The following ZNF516 variants were observed in gnomAD, a reference collection of about 807,000 sequenced individuals.
ZNF516 encodes zinc finger protein 516.
ZNF516 carries 19 observed loss-of-function variants against 79.7 expected under a neutral mutation model. That is an observed-to-expected ratio of 0.24 (90% CI 0.17 to 0.35). The LOEUF is 0.35. ZNF516 is among the 10% of genes least tolerant of loss of function. ZNF516 has a pLI of 1.00. For missense variants in ZNF516, 1,678 were observed against 1,679.5 expected (o/e 1.00, Z 0.02); for synonymous variants, 877 against 739.5 (o/e 1.19, Z -3.02).
chr18:76,442,332 G>A lies in ZNF516; in HGVS notation c.723C>T (p.Pro241=), dbSNP rs746527864. Residue 241 remains proline, a synonymous_variant, in exon 3 of 7, where the codon CCC becomes CCT. Coordinates refer to ENST00000443185, the MANE Select transcript of ZNF516 (RefSeq NM_014643.4). The part of the protein sequence containing the change: ...SGEACVENGK[P]ELSPGEFPCE... ...ACGGGAACTCCCCGGGGCTCAGCTC[G>A]GGCTTGCCGTTCTCCACGCAGGCCT... is the stretch of plus-strand genomic sequence containing the variant. 28 of 1,610,872 alleles carry A rather than the reference G, an allele frequency of 1.7e-5. No individual in the cohort carries two copies. The highest frequency in any genetic ancestry group is 6.7e-5 in the Admixed American group (4 of 59,786).
intron 2 of ZNF516, among the ~76,000 whole-genome samples, chr18:76,462,685 C>T (rs1010126505): frequency 8.5e-5 from 13 of 152,272 alleles, no homozygotes; most frequent in Admixed American, 5.2e-4. Context: ...CTAATATCCT[C>T]GAGCCAATAG....
chr18:76,384,987 C>A (rs1048195207), intron 3 of ZNF516, among the ~76,000 whole-genome samples: 1 of 152,262 alleles, frequency 6.6e-6, no homozygotes, highest in African/African-American at 2.4e-5. Flanking sequence ...CTGGCAGCGG[C>A]CCTGTGCAGA....
intron 2 of ZNF516, among the ~76,000 whole-genome samples, chr18:76,450,404 T>C (rs956435628): frequency 8.3e-6 from 1 of 119,902 alleles, no homozygotes; most frequent in Non-Finnish European, 1.6e-5. Context: ...TAAATGCAGG[T>C]TGGGAAACTA....
intron 2 of ZNF516, among the ~76,000 whole-genome samples, chr18:76,445,950 C>T (rs943287454): frequency 6.6e-6 from 1 of 152,264 alleles, no homozygotes; most frequent in African/African-American, 2.4e-5. Flanking sequence ...CCCAGAGAAG[C>T]GGCCTCTGTG....
chr18:76,432,683 G>A (rs2075678238), intron 3 of ZNF516, among the ~76,000 whole-genome samples: 1 of 152,192 alleles, frequency 6.6e-6, no homozygotes, highest in Admixed American at 6.5e-5. Flanking sequence ...AGGCCATCAG[G>A]CCCACGGCCC....
chr18:76,474,139 C>T (rs1914043053), intron 1 of ZNF516, among the ~76,000 whole-genome samples: 1 of 149,918 alleles, frequency 6.7e-6, no homozygotes. Flanking sequence ...CCTGAAAAGA[C>T]AAACAGAGAA....
chr18:76,412,774 G>T (rs528321955), intron 3 of ZNF516, among the ~76,000 whole-genome samples: 1 of 152,270 alleles, frequency 6.6e-6, no homozygotes, highest in African/African-American at 2.4e-5. Context: ...ACACAGTTTT[G>T]GGCAACCAGG....
chr18:76,406,204 C>CA (rs1465815177), intron 3 of ZNF516, among the ~76,000 whole-genome samples: 2 of 152,340 alleles, frequency 1.3e-5, no homozygotes, highest in African/African-American at 2.4e-5. Flanking sequence ...TCTTCACCAC[C>CA]AGGTGGCGCC....
intron 2 of ZNF516, among the ~76,000 whole-genome samples, chr18:76,444,225 C>T (rs1333775719): frequency 6.6e-6 from 1 of 152,202 alleles, no homozygotes; most frequent in Non-Finnish European, 1.5e-5. Context: ...AGGTCAGCGT[C>T]TGAGTGTTCA....
chr18:76,428,913 A>C (rs901743439), intron 3 of ZNF516, among the ~76,000 whole-genome samples: 1 of 152,262 alleles, frequency 6.6e-6, no homozygotes, highest in African/African-American at 2.4e-5. Flanking sequence ...GCATGGGTCT[A>C]GCCCAGGAAA....
intron 3 of ZNF516, among the ~76,000 whole-genome samples, chr18:76,382,268 TA>T: frequency 6.6e-6 from 1 of 152,126 alleles, no homozygotes; most frequent in Non-Finnish European, 1.5e-5. Flanking sequence ...GCACCACGGA[TA>T]AAAACATGGA....
At chr18:76,426,199 T>C (rs988869282) in intron 3 of ZNF516, among the ~76,000 whole-genome samples, 1 of 152,246 alleles carries the variant, frequency 6.6e-6, no homozygotes, top group Non-Finnish European at 1.5e-5. Context: ...TATTAACAAA[T>C]GTAAACTGCA....
At chr18:76,424,675 G>T (rs1274584972) in intron 3 of ZNF516, among the ~76,000 whole-genome samples, 1 of 119,734 alleles carries the variant, frequency 8.4e-6, no homozygotes, top group Non-Finnish European at 1.6e-5. Context: ...TGAAACACAC[G>T]CAGGTGAAAA....
In ZNF516 at chr18:76,493,935, G is replaced by T. The variant is rs908414200; in HGVS notation, c.-272+1209C>A. On this transcript the variant is annotated intron_variant, in intron 1 of 6. Transcript: ENST00000443185. The surrounding 1 kb of genome is among the most constrained non-coding windows in gnomAD (Gnocchi z 5.2). Reference sequence around the variant, plus strand: ...ATTTAAAAAGAGGGCTGCGCAAGTTGATCTTTGCACACCCGGAGACCCGGT... The same window carrying T: ...ATTTAAAAAGAGGGCTGCGCAAGTTTATCTTTGCACACCCGGAGACCCGGT... 1 of 152,220 alleles carries T rather than the reference G, an allele frequency of 6.6e-6. No individual in the cohort carries two copies. The highest frequency in any genetic ancestry group is 1.5e-5 in the Non-Finnish European group (1 of 68,040). The allele number at this position is 152,220 out of a possible 1,614,324, so 9.4% of individuals were successfully genotyped here.
At chr18:76,382,212 A>G (rs1271080744) in intron 3 of ZNF516, among the ~76,000 whole-genome samples, 1 of 152,228 alleles carries the variant, frequency 6.6e-6, no homozygotes, top group Non-Finnish European at 1.5e-5. Flanking sequence ...TGAGTCTGTT[A>G]TACGCACACA....
At chr18:76,476,388 T>G (rs1914176837) in intron 1 of ZNF516, among the ~76,000 whole-genome samples, 3 of 152,234 alleles carry the variant, frequency 2.0e-5, no homozygotes. Context: ...CAGTTGTCAA[T>G]GTTTTATTCT....
chr18:76,494,301 A>ACCTC (rs1915389410), intron 1 of ZNF516, among the ~76,000 whole-genome samples: 1 of 105,282 alleles, frequency 9.5e-6, no homozygotes, highest in African/African-American at 3.6e-5. Flanking sequence ...GCCTCCCCCC[A>ACCTC]CCTCCCGCCC....
intron 1 of ZNF516, among the ~76,000 whole-genome samples, chr18:76,468,583 A>C (rs1913637853): frequency 1.3e-5 from 2 of 151,112 alleles, no homozygotes; most frequent in South Asian, 4.2e-4. Flanking sequence ...CACTCAGCTA[A>C]TTTTTTTTCT....
intron 3 of ZNF516, chr18:76,386,591 A>G (rs563532748): frequency 6.6e-6 from 1 of 152,344 alleles, no homozygotes; most frequent in African/African-American, 2.4e-5. Flanking sequence ...CCATAATTCT[A>G]AGGAGCCTCA....
Sources: allele counts gnomAD v4.1 joint callset (sites outside exome capture counted in the v4.1 genomes callset), GRCh38; gene constraint gnomAD v4.1.1; non-coding constraint Gnocchi (gnomAD v3.1); transcripts MANE v1.5; gene names NCBI Gene and HGNC (gene_info 2026-07-23, HGNC 2026-07-21).